ABCA3: variants seen among roughly 807,000 people sequenced by gnomAD.
The protein encoded by ABCA3 is ATP binding cassette subfamily A member 3, also known as phospholipid-transporting ATPase ABCA3.
ABCA3 carries 88 observed loss-of-function variants against 172.8 expected under a neutral mutation model. That is an observed-to-expected ratio of 0.51 (90% CI 0.43 to 0.61). The LOEUF is 0.61. Among genes scored for constraint, ABCA3 ranks in the 20% least tolerant of loss-of-function variants. The pLI, the probability that ABCA3 is intolerant of heterozygous loss-of-function variation, is 0.00. For missense variants in ABCA3, 2,164 were observed against 2,301.0 expected, an observed-to-expected ratio of 0.94 and a Z score of 1.22; for synonymous variants, 1,066 against 983.8, an observed-to-expected ratio of 1.08 and a Z score of -1.56.
At chr16:2,326,563 G>A in intron 3 of ABCA3, 71 bp from the exon 4 acceptor site, 1 of 1,481,430 alleles carries the variant, frequency 6.8e-7, no homozygotes, top group Non-Finnish European at 9.2e-7. Flanking sequence ...TTGGGGAAAA[G>A]CCATGGACCC....
At position 2,334,111 on chromosome 16, in the gene ABCA3, C is replaced by T. The variant is rs11860660; in HGVS notation, c.-538-4257G>A. Among the ~76,000 whole-genome samples the T allele has an allele frequency of 3.5e-3, 536 of 152,154 alleles. 6 individuals carry two copies. The highest frequency in any genetic ancestry group is 0.012 in the African/African-American group (499 of 41,504). On this transcript the variant is annotated intron_variant, in intron 1 of 32. Transcript: ENST00000301732. ...TTCAGGAGAAGACAGGAATTAATTG[C>T]GTGTGTGAGACAGCGAGCAAGACAG...
In ABCA3 at chr16:2,278,485, G is replaced by C. The variant is rs368705100; in HGVS notation, c.4548-27C>G. The C allele has an allele frequency of 6.2e-6, 10 of 1,607,640 alleles. No homozygotes were observed. The East Asian group carries it at 2.0e-4, about 32-fold the overall frequency. On this transcript the variant is annotated intron_variant, in intron 29 of 32. Coordinates refer to ENST00000301732, the MANE Select transcript of ABCA3 (RefSeq NM_001089.3). The surrounding 1 kb of genome is among the most constrained non-coding windows in gnomAD (Gnocchi z 4.4). ...TAGAGGCAGGAGGGTGCCAGGTGGG[G>C]GAATAAGGCTGAGAGTTAGCATTGG... is the stretch of plus-strand genomic sequence containing the variant.
chr16:2,287,971 C>T lies in ABCA3; in HGVS notation c.3004+55G>A. 1 of 1,589,650 alleles carries T rather than the reference C, an allele frequency of 6.3e-7. No individual in the cohort carries two copies. Among genetic ancestry groups the T allele is most frequent in the Admixed American group, 1.7e-5 (1 of 59,864 alleles). Reference sequence around the variant, plus strand: ...CCTGCTGCAGTCAGGAAGGCGAACTCTGGCTGCAGGACTGGCCCCCGATGC... The same window carrying T: ...CCTGCTGCAGTCAGGAAGGCGAACTTTGGCTGCAGGACTGGCCCCCGATGC... On this transcript the variant is annotated intron_variant, in intron 21 of 32. Transcript: ENST00000301732. The surrounding 1 kb of genome is among the most constrained non-coding windows in gnomAD (Gnocchi z 4.1).
In ABCA3 at chr16:2,284,262, G is replaced by A. The variant is rs539844017; in HGVS notation, c.3862+17C>T. On this transcript the variant is annotated intron_variant, in intron 25 of 32. Transcript: ENST00000301732. This position sits in a 1 kb window ranked among gnomAD's most constrained non-coding sequence, Gnocchi z 5.9. ...GGACGCAGGGGTGCTGCCCGGGGTC[G>A]GGGCTGGGACACTCACTATATTTCT... 1.6e-5 allele frequency: 25 copies of A among 1,609,326 alleles called. No individual in the cohort carries two copies. The Admixed American group carries it at 1.7e-4, about 11-fold the overall frequency.
chr16:2,334,145 C>T lies in ABCA3; in HGVS notation c.-538-4291G>A, dbSNP rs114906756. ...GACAGCGAGCAAGACAGGGAGATGG[C>T]CCGGGAGGGTGATGGGGGGAGGTGA... On this transcript the variant is annotated intron_variant, in intron 1 of 32. Coordinates refer to ENST00000301732, the MANE Select transcript of ABCA3 (RefSeq NM_001089.3). 9.5e-3 allele frequency among the ~76,000 whole-genome samples: 1,446 copies of T among 152,140 alleles called. 26 individuals are homozygous for T. The highest frequency in any genetic ancestry group is 0.033 in the African/African-American group (1,377 of 41,478).
intron 11 of ABCA3, among the ~76,000 whole-genome samples, chr16:2,304,500 CTTTTTT>C (rs34874417): frequency 2.3e-4 from 19 of 84,002 alleles, no homozygotes; most frequent in Admixed American, 1.4e-3. Context: ...TAGCATAAGT[CTTTTTT>C]TTTTTTTTTT....
chr16:2,281,193 G>A lies in ABCA3; in HGVS notation c.4193C>T (p.Ala1398Val). The A allele has an allele frequency of 6.2e-7, 1 of 1,613,594 alleles. No individual in the cohort carries two copies. Among genetic ancestry groups the A allele is most frequent in the South Asian group, 1.1e-5 (1 of 91,088 alleles). ...KVYEQRVPLL[A>V]VDRLSLAVQK... ...CACCGCGAGGGAGAGCCTGTCCACGGCCAGGAGGGGCACCCGCTGCTCGTA... is the reference window on the plus strand; with the variant it reads ...CACCGCGAGGGAGAGCCTGTCCACGACCAGGAGGGGCACCCGCTGCTCGTA... The change falls in exon 28 of 33, where the codon GCC (alanine) becomes GTC (valine). Residue 1398 changes from alanine (A) to valine (V), a missense_variant. By Grantham distance (64) the Ala-to-Val change is moderately conservative. Transcript: ENST00000301732. This position sits in a 1 kb window ranked among gnomAD's most constrained non-coding sequence, Gnocchi z 4.7.
intron 18 of ABCA3, among the ~76,000 whole-genome samples, chr16:2,293,374 T>TC (rs1218269977): frequency 1.4e-5 from 2 of 148,110 alleles, no homozygotes; most frequent in African/African-American, 5.0e-5. Flanking sequence ...TGCCTTTTTT[T>TC]TTTTTTTTTT....
intron 18 of ABCA3, 46 bp downstream of exon 18, chr16:2,295,544 C>G (rs1219337276): frequency 6.2e-7 from 1 of 1,604,946 alleles, no homozygotes; most frequent in East Asian, 2.2e-5. Context: ...CCATGGGGAT[C>G]CCATCTTGGA....
chr16:2,299,610 C>T, intron 13 of ABCA3, 78 bp from the exon 14 acceptor site: 16 of 1,599,298 alleles, frequency 1.0e-5, no homozygotes, highest in Admixed American at 1.7e-5. Flanking sequence ...GCTCCCCTGC[C>T]CGACCGTCTC....
At chr16:2,310,093 C>A (rs936405798) in intron 10 of ABCA3, among the ~76,000 whole-genome samples, 17 of 152,018 alleles carry the variant, frequency 1.1e-4, no homozygotes, top group African/African-American at 4.1e-4. Context: ...AAATCCACTA[C>A]AAGTCAACAT....
At chr16:2,289,032 T>C (rs1469895042) in intron 20 of ABCA3, 1 of 188,232 alleles carries the variant, frequency 5.3e-6, no homozygotes, top group Non-Finnish European at 1.1e-5. Context: ...CGTCAGGGCT[T>C]TGAGATCAGG....
intron 10 of ABCA3, among the ~76,000 whole-genome samples, chr16:2,309,038 T>C (rs1459664901): frequency 1.3e-5 from 2 of 152,040 alleles, no homozygotes; most frequent in African/African-American, 2.4e-5. Context: ...CTCCGCCTCC[T>C]GGGTTCACGC....
intron 15 of ABCA3, among the ~76,000 whole-genome samples, chr16:2,298,136 C>T (rs1474308226): frequency 3.1e-5 from 4 of 127,222 alleles, no homozygotes; most frequent in Non-Finnish European, 5.3e-5. Flanking sequence ...AGGCCGACCA[C>T]GGCCAGCGAG....
intron 19 of ABCA3, among the ~76,000 whole-genome samples, chr16:2,291,091 C>A (rs967509555): frequency 4.0e-5 from 6 of 150,688 alleles, no homozygotes; most frequent in Non-Finnish European, 7.4e-5. Flanking sequence ...CGCCTGTAAT[C>A]CCAGCACAGA....
At chr16:2,327,686 G>A (rs1248084224) in intron 3 of ABCA3, among the ~76,000 whole-genome samples, 1 of 152,132 alleles carries the variant, frequency 6.6e-6, no homozygotes, top group Non-Finnish European at 1.5e-5. Context: ...TGGCATCAGA[G>A]CCTCGCAGCA....
At position 2,281,588 on chromosome 16, in the gene ABCA3, G is replaced by GGGCCC; in HGVS notation, c.4036-80_4036-79insGGGCC. The stretch of plus-strand genomic sequence containing the variant: ...CGTGGAGAAGGGAGGGGCGGGGGTG[G>GGGCCC]ATGTGGGAGGTCTGGTGGGACTAAG... On this transcript the variant is annotated intron_variant, in intron 26 of 32. Transcript: ENST00000301732. The surrounding 1 kb of genome is among the most constrained non-coding windows in gnomAD (Gnocchi z 4.7). 1.9e-6 allele frequency: 1 copy of GGGCCC among 517,014 alleles called. No homozygotes were observed. The highest frequency in any genetic ancestry group is 3.8e-6 in the Non-Finnish European group (1 of 260,092). The allele number at this position is 517,014 out of a possible 1,614,324, so 32.0% of individuals were successfully genotyped here.
chr16:2,297,896 C>A lies in ABCA3; in HGVS notation c.1922G>T (p.Cys641Phe). 6.2e-7 allele frequency: 1 copy of A among 1,613,828 alleles called. No individual in the cohort carries two copies. The highest frequency in any genetic ancestry group is 8.5e-7 in the Non-Finnish European group (1 of 1,180,034). ...AQLKGLSRQK[C>F]PEEVKQMLHI... is the part of the protein sequence containing the mutation. ...CAGCATCTGCTTGACTTCTTCAGGGCACTTCTGACGTGACAGGCCCTTCAG... is the reference window on the plus strand; with the variant it reads ...CAGCATCTGCTTGACTTCTTCAGGGAACTTCTGACGTGACAGGCCCTTCAG... Residue 641 changes from cysteine (C) to phenylalanine (F), a missense_variant, in exon 16 of 33, where the codon TGC (cysteine) becomes TTC (phenylalanine). This residue lies in a region of ABCA3 where 1,343 missense variants were observed against 1,369.6 expected (regional missense o/e 0.98). Coordinates refer to ENST00000301732, the MANE Select transcript of ABCA3 (RefSeq NM_001089.3). The surrounding 1 kb of genome is among the most constrained non-coding windows in gnomAD (Gnocchi z 5.6).
At chr16:2,288,422 C>G in intron 20 of ABCA3, 93 bp from the exon 21 acceptor site, 1 of 1,416,674 alleles carries the variant, frequency 7.1e-7, no homozygotes, top group Non-Finnish European at 9.5e-7. Context: ...CTGTGTGACG[C>G]CAGCCTGGGG....
Sources: allele counts gnomAD v4.1 joint callset (sites outside exome capture counted in the v4.1 genomes callset), GRCh38; gene constraint gnomAD v4.1.1; regional missense constraint gnomAD v4.1.1; non-coding constraint Gnocchi (gnomAD v3.1); transcripts MANE v1.5; gene names NCBI Gene and HGNC (gene_info 2026-07-23, HGNC 2026-07-21).